The following SPAG16 variants were observed in gnomAD, a reference collection of about 807,000 sequenced individuals.
SPAG16 encodes sperm associated antigen 16.
Under a neutral mutation model 80.4 loss-of-function variants are expected in SPAG16, and 86 were observed. The observed-to-expected ratio is 1.07, with a 90% CI of 0.90 to 1.28. The LOEUF (loss-of-function observed/expected upper bound fraction) is 1.28. SPAG16 is among the 50% of genes most tolerant of loss of function. SPAG16 has a pLI of 0.00. For synonymous variants in SPAG16, 294 were observed against 265.9 expected (o/e 1.11, Z -1.03); for missense variants, 870 against 765.3 (o/e 1.14, Z -1.61).
intron 5 of SPAG16, among the ~76,000 whole-genome samples, chr2:213,320,143 C>T (rs1472542391): frequency 6.6e-6 from 1 of 151,924 alleles, no homozygotes; most frequent in African/African-American, 2.4e-5. Context: ...TTCCTTATAG[C>T]CTGGTTCTAC....
At chr2:213,487,446 C>T (rs1345026576) in intron 9 of SPAG16, among the ~76,000 whole-genome samples, 1 of 152,056 alleles carries the variant, frequency 6.6e-6, no homozygotes, top group Admixed American at 6.6e-5. Context: ...CTCACATTTA[C>T]CTCACTGATC....
At chr2:213,936,314 A>G (rs1384587080) in intron 12 of SPAG16, among the ~76,000 whole-genome samples, 1 of 152,124 alleles carries the variant, frequency 6.6e-6, no homozygotes, top group Non-Finnish European at 1.5e-5. Context: ...GGGCCTTATA[A>G]CCCCTGTCAA....
At chr2:213,757,358 T>C (rs1269130670) in intron 10 of SPAG16, among the ~76,000 whole-genome samples, 2 of 151,498 alleles carry the variant, frequency 1.3e-5, no homozygotes, top group Admixed American at 6.6e-5. Context: ...GAAAAAGCAA[T>C]TCTAAAATTC....
At chr2:213,843,577 G>A (rs1054950083) in intron 10 of SPAG16, among the ~76,000 whole-genome samples, 5 of 152,286 alleles carry the variant, frequency 3.3e-5, no homozygotes, top group Middle Eastern at 3.4e-3. Context: ...TAGGCCGGGC[G>A]AGGTGGCTCA....
At chr2:213,938,325 G>A (rs2079069457) in intron 12 of SPAG16, among the ~76,000 whole-genome samples, 1 of 151,862 alleles carries the variant, frequency 6.6e-6, no homozygotes, top group South Asian at 2.1e-4. Context: ...TGTAGCCATA[G>A]TCCATCTGAG....
chr2:213,990,402 A>C (rs13430302), intron 12 of SPAG16, among the ~76,000 whole-genome samples: 18,050 of 152,128 alleles, frequency 0.12, 1,645 homozygotes, highest in South Asian at 0.4. Context: ...CAGAAATCTG[A>C]GTATAACTTT....
chr2:214,351,355 T>G (rs569958553), intron 15 of SPAG16, among the ~76,000 whole-genome samples: 1 of 152,140 alleles, frequency 6.6e-6, no homozygotes, highest in South Asian at 2.1e-4. Context: ...GCCTTCATGG[T>G]ATATTTATAC....
intron 10 of SPAG16, among the ~76,000 whole-genome samples, chr2:213,761,770 G>A (rs2068669505): frequency 6.6e-6 from 1 of 152,096 alleles, no homozygotes; most frequent in African/African-American, 2.4e-5. Flanking sequence ...GGAGGCTGAG[G>A]CAGGAGAATG....
At chr2:214,291,882 G>C (rs1423771458) in intron 15 of SPAG16, among the ~76,000 whole-genome samples, 1 of 152,144 alleles carries the variant, frequency 6.6e-6, no homozygotes, top group Non-Finnish European at 1.5e-5. Flanking sequence ...TTTCATGATA[G>C]TAAATGTTGT....
intron 11 of SPAG16, among the ~76,000 whole-genome samples, chr2:213,903,466 T>A (rs1417101331): frequency 6.6e-6 from 1 of 152,188 alleles, no homozygotes; most frequent in Non-Finnish European, 1.5e-5. Context: ...GCCCAAGCTC[T>A]ACGTTGGCCC....
intron 14 of SPAG16, among the ~76,000 whole-genome samples, chr2:214,133,425 G>A (rs190651381): frequency 7.6e-4 from 115 of 152,170 alleles, no homozygotes; most frequent in African/African-American, 2.5e-3. Flanking sequence ...TTGGGAGGTC[G>A]AGGAAGGCAG....
intron 10 of SPAG16, among the ~76,000 whole-genome samples, chr2:213,696,375 A>C (rs969856466): frequency 6.6e-6 from 1 of 152,166 alleles, no homozygotes; most frequent in African/African-American, 2.4e-5. Context: ...AGAGGTCAGC[A>C]CTGGCCATCA....
intron 9 of SPAG16, chr2:213,396,649 G>T: frequency 2.2e-6 from 1 of 456,200 alleles, no homozygotes; most frequent in South Asian, 1.6e-5. Context: ...GACACTATTG[G>T]CAGGAGACAA....
intron 10 of SPAG16, among the ~76,000 whole-genome samples, chr2:213,527,782 T>G (rs2075939560): frequency 6.6e-6 from 1 of 152,022 alleles, no homozygotes; most frequent in Non-Finnish European, 1.5e-5. Context: ...ATACATGAAA[T>G]ATACAGAAAA....
chr2:214,381,334 ACT>A (rs1202495603), intron 15 of SPAG16, among the ~76,000 whole-genome samples: 2 of 152,202 alleles, frequency 1.3e-5, no homozygotes, highest in Non-Finnish European at 1.5e-5. Flanking sequence ...CATTAAAGTA[ACT>A]CTAAGTATGA....
intron 9 of SPAG16, among the ~76,000 whole-genome samples, chr2:213,404,950 A>T (rs1039410110): frequency 7.9e-5 from 12 of 152,122 alleles, no homozygotes; most frequent in African/African-American, 2.4e-4. Context: ...GGCTGACCTA[A>T]AGCTTACTCT....
At chr2:213,762,302 C>A (rs765886753) in intron 10 of SPAG16, among the ~76,000 whole-genome samples, 3 of 151,934 alleles carry the variant, frequency 2.0e-5, no homozygotes, top group Non-Finnish European at 4.4e-5. Flanking sequence ...TGTGGTTGTA[C>A]AACATTATGA....
intron 10 of SPAG16, among the ~76,000 whole-genome samples, chr2:213,725,467 G>C (rs2066727115): frequency 6.6e-6 from 1 of 152,090 alleles, no homozygotes; most frequent in Non-Finnish European, 1.5e-5. Context: ...GTTCTGTCTA[G>C]CCAAACCTGC....
intron 10 of SPAG16, among the ~76,000 whole-genome samples, chr2:213,666,035 C>T (rs1463262040): frequency 6.6e-6 from 1 of 152,046 alleles, no homozygotes; most frequent in Non-Finnish European, 1.5e-5. Context: ...GTGGGTTGGG[C>T]GTGAAAGCAC....
Sources: gnomAD v4.1 joint callset for allele counts (sites outside exome capture counted in the v4.1 genomes callset) on GRCh38, gnomAD v4.1.1 for gene constraint, MANE v1.5 for transcripts, NCBI Gene and HGNC (gene_info 2026-07-23, HGNC 2026-07-21) for gene names.